Variants in SLC24A3 observed in about 807,000 individuals in gnomAD.
SLC24A3 encodes solute carrier family 24 member 3, also known as sodium/potassium/calcium exchanger 3.
In SLC24A3, 28 loss-of-function variants were observed where a neutral mutation model predicts 75.8. The observed-to-expected ratio is 0.37, with a 90% CI of 0.27 to 0.51. The LOEUF (loss-of-function observed/expected upper bound fraction) is 0.51. SLC24A3 is among the 20% of genes least tolerant of loss of function. The pLI, the probability that SLC24A3 is intolerant of heterozygous loss-of-function variation, is 0.94. For missense variants in SLC24A3, 663 were observed against 847.8 expected (o/e 0.78, Z 2.71); for synonymous variants, 372 against 334.1 (o/e 1.11, Z -1.24).
At chr20:19,477,941 C>T (rs1195379934) in intron 2 of SLC24A3, among the ~76,000 whole-genome samples, 1 of 152,198 alleles carries the variant, frequency 6.6e-6, no homozygotes, top group African/African-American at 2.4e-5. Context: ...ACAGTCTATA[C>T]TGGAGGATAG....
chr20:19,585,365 A>G, intron 5 of SLC24A3, 76 bp from the exon 6 acceptor site: 1 of 1,371,424 alleles, frequency 7.3e-7, no homozygotes, highest in Non-Finnish European at 1.0e-6. Context: ...TCTAATGCTT[A>G]TGAAAGGTTC....
chr20:19,262,423 A>G (rs866665391), intron 1 of SLC24A3, among the ~76,000 whole-genome samples: 8 of 147,646 alleles, frequency 5.4e-5, no homozygotes, highest in Admixed American at 2.0e-4. Flanking sequence ...AAAAAAAAAA[A>G]AAAGAAAGAG....
rs529562513 is a variant in SLC24A3, at chr20:19,343,018, C to G, written c.271+61931C>G. ...CCAGGAGGCGGAGCTTGCAGTGAGC[C>G]GAGATCATGCCACTGCACTCCAGCC... is the stretch of plus-strand genomic sequence containing the variant. On this transcript the variant is annotated intron_variant, in intron 2 of 16. Coordinates refer to ENST00000328041, the MANE Select transcript of SLC24A3 (RefSeq NM_020689.4). Among the ~76,000 whole-genome samples, 7 of 135,838 alleles carry G rather than the reference C, an allele frequency of 5.2e-5. 1 individual carries two copies. In the South Asian group the frequency reaches 1.6e-3, roughly 31 times the overall value. 89.1% of individuals were successfully genotyped at this position (135,838 alleles called of 152,430 possible). A position where few individuals can be genotyped will look rare whatever the true frequency, so the allele number is the denominator to read the frequency against.
At chr20:19,494,795 A>C (rs554818992) in intron 2 of SLC24A3, among the ~76,000 whole-genome samples, 27 of 152,182 alleles carry the variant, frequency 1.8e-4, no homozygotes, top group African/African-American at 6.0e-4. Context: ...TAGAGGACTC[A>C]CCTCTGATGC....
intron 6 of SLC24A3, among the ~76,000 whole-genome samples, chr20:19,635,730 G>T (rs147798945): frequency 6.6e-6 from 1 of 152,256 alleles, no homozygotes; most frequent in Non-Finnish European, 1.5e-5. Flanking sequence ...ACTATCACCT[G>T]GAGCACCTTT....
At chr20:19,504,653 A>G (rs1988436689) in intron 2 of SLC24A3, among the ~76,000 whole-genome samples, 1 of 152,232 alleles carries the variant, frequency 6.6e-6, no homozygotes, top group African/African-American at 2.4e-5. Context: ...AGAACATGAG[A>G]GATGCAGCAC....
chr20:19,267,038 G>A (rs1460999623), intron 1 of SLC24A3, among the ~76,000 whole-genome samples: 1 of 151,854 alleles, frequency 6.6e-6, no homozygotes, highest in East Asian at 1.9e-4. Context: ...AAATGTAATA[G>A]GAATAAAATA....
chr20:19,231,187 A>C (rs1033394193), intron 1 of SLC24A3, among the ~76,000 whole-genome samples: 1 of 152,218 alleles, frequency 6.6e-6, no homozygotes, highest in Non-Finnish European at 1.5e-5. Context: ...TATTTTCCCC[A>C]TGCCAAACAT....
chr20:19,699,271 G>T (rs2032844714), intron 15 of SLC24A3, among the ~76,000 whole-genome samples: 1 of 152,242 alleles, frequency 6.6e-6, no homozygotes, highest in African/African-American at 2.4e-5. Flanking sequence ...AGAAACACTG[G>T]AGAGATGCCA....
chr20:19,528,308 G>A (rs538947579), intron 3 of SLC24A3, among the ~76,000 whole-genome samples: 3 of 152,138 alleles, frequency 2.0e-5, no homozygotes, highest in Non-Finnish European at 4.4e-5. Context: ...TCAGCCATCA[G>A]CGCTCCCACT....
At chr20:19,678,122 C>G (rs1044874437) in intron 9 of SLC24A3, among the ~76,000 whole-genome samples, 6 of 150,270 alleles carry the variant, frequency 4.0e-5, no homozygotes, top group Non-Finnish European at 5.9e-5. Context: ...TACACAGACA[C>G]GGCAACCATT....
At chr20:19,363,634 AC>A (rs1365910823) in intron 2 of SLC24A3, among the ~76,000 whole-genome samples, 1 of 151,948 alleles carries the variant, frequency 6.6e-6, no homozygotes, top group Non-Finnish European at 1.5e-5. Flanking sequence ...ACTCACACCA[AC>A]CCTGGGAGAG....
chr20:19,288,889 G>A (rs559626475), intron 2 of SLC24A3, among the ~76,000 whole-genome samples: 1 of 152,212 alleles, frequency 6.6e-6, no homozygotes, highest in South Asian at 2.1e-4. Flanking sequence ...GTGTTTCTAT[G>A]GCAACTTTTG....
Position 19,322,365 on chromosome 20 carries a change from C to CCTTCCTTCCTT in SLC24A3, c.271+41279_271+41280insTTCCTTCCTTC, listed in dbSNP as rs71870940. Reference sequence around the variant, plus strand: ...TTGAGCCTTCTTTCCTTCCTTCCTTCCCTTCCTTCCTTCCTTCCTTCCTTC... The same window carrying CCTTCCTTCCTT: ...TTGAGCCTTCTTTCCTTCCTTCCTTCCTTCCTTCCTTCCTTCCTTCCTTCCTTCCTTCCTTC... On this transcript the variant is annotated intron_variant, in intron 2 of 16. Transcript: ENST00000328041. Among the ~76,000 whole-genome samples the CCTTCCTTCCTT allele has an allele frequency of 1.0e-3, 81 of 80,072 alleles. 3 individuals are homozygous for CCTTCCTTCCTT. Among genetic ancestry groups the CCTTCCTTCCTT allele is most frequent in the African/African-American group, 3.6e-3 (45 of 12,592 alleles). The allele number at this position is 80,072 out of a possible 152,430, so 52.5% of individuals were successfully genotyped here.
chr20:19,427,703 G>A (rs1340685207), intron 2 of SLC24A3, among the ~76,000 whole-genome samples: 5 of 152,166 alleles, frequency 3.3e-5, no homozygotes, highest in African/African-American at 1.2e-4. Flanking sequence ...CCTGTCCTGG[G>A]CTGACCCAGA....
At chr20:19,558,461 AT>A (rs1298318131) in intron 3 of SLC24A3, among the ~76,000 whole-genome samples, 1 of 152,082 alleles carries the variant, frequency 6.6e-6, no homozygotes, top group Non-Finnish European at 1.5e-5. Context: ...GTCTACAGAC[AT>A]TTTTAAACTT....
At chr20:19,522,896 C>T (rs979362354) in intron 3 of SLC24A3, among the ~76,000 whole-genome samples, 4 of 151,892 alleles carry the variant, frequency 2.6e-5, no homozygotes, top group Non-Finnish European at 4.4e-5. Flanking sequence ...ATATATTTAT[C>T]ACCTCACATT....
At chr20:19,265,240 C>A (rs962721005) in intron 1 of SLC24A3, among the ~76,000 whole-genome samples, 9 of 152,208 alleles carry the variant, frequency 5.9e-5, no homozygotes. Flanking sequence ...CCATCAGTGG[C>A]CAGCCTTCTC....
At chr20:19,255,423 T>A (rs1982785916) in intron 1 of SLC24A3, among the ~76,000 whole-genome samples, 1 of 152,198 alleles carries the variant, frequency 6.6e-6, no homozygotes, top group Non-Finnish European at 1.5e-5. Flanking sequence ...ATTTGGAGTG[T>A]CGTTGAGAGA....
Sources: gnomAD v4.1 joint callset for allele counts (sites outside exome capture counted in the v4.1 genomes callset) on GRCh38, gnomAD v4.1.1 for gene constraint, MANE v1.5 for transcripts, NCBI Gene and HGNC (gene_info 2026-07-23, HGNC 2026-07-21) for gene names.